The following RPS21 variants were observed in gnomAD, a reference collection of about 807,000 sequenced individuals.
The protein encoded by RPS21 is ribosomal protein S21.
Under a neutral mutation model 14.5 loss-of-function variants are expected in RPS21, and 6 were observed. That is an observed-to-expected ratio of 0.41 (90% CI 0.23 to 0.82). The LOEUF (loss-of-function observed/expected upper bound fraction) is 0.82, where lower values mean the gene tolerates loss of function less well. RPS21 is among the 40% of genes least tolerant of loss of function. RPS21 has a pLI of 0.31. For missense variants in RPS21, 85 were observed against 115.0 expected (o/e 0.74, Z 1.19); for synonymous variants, 61 against 42.6 (o/e 1.43, Z -1.69).
At chr20:62,387,738 A>C (rs2146413795) in intron 3 of RPS21, 64 bp downstream of exon 3, 14 of 1,613,934 alleles carry the variant, frequency 8.7e-6, no homozygotes, top group Non-Finnish European at 1.1e-5. Flanking sequence ...AGGCTGTCCC[A>C]TTGTGGAGGA....
chr20:62,388,376 G>A lies in RPS21; in HGVS notation c.242+12G>A, dbSNP rs1473127031. On this transcript the variant is annotated intron_variant, in intron 5 of 5. Coordinates refer to ENST00000343986, the MANE Select transcript of RPS21 (RefSeq NM_001024.4). ...GGCATCGTCTCAAAGTAAGGTTGGGGGCTCACATTTGGGCAGAGTGAGTGG... is the reference window on the plus strand; with the variant it reads ...GGCATCGTCTCAAAGTAAGGTTGGGAGCTCACATTTGGGCAGAGTGAGTGG... 2.5e-6 allele frequency: 4 copies of A among 1,608,914 alleles called. No homozygotes were observed. The African/African-American group carries it at 4.0e-5, about 16-fold the overall frequency.
Position 62,387,879 on chromosome 20 carries a change from A to G in RPS21, c.151A>G (p.Lys51Glu). 1 of 1,614,168 alleles carries G rather than the reference A, an allele frequency of 6.2e-7. No individual in the cohort carries two copies. Among genetic ancestry groups the G allele is most frequent in the South Asian group, 1.1e-5 (1 of 91,080 alleles). ...CACAGGCAGGTTTAATGGCCAGTTT[A>G]AAACTTATGCTATCTGCGGGGCCAT... ...KVTGRFNGQF[K>E]TYAICGAIRR... The change falls in exon 4 of 6, where the codon AAA becomes GAA. Residue 51 changes from lysine to glutamate, a missense_variant. Lys to Glu is a moderately conservative substitution (Grantham distance 56). Coordinates refer to ENST00000343986, the MANE Select transcript of RPS21 (RefSeq NM_001024.4).
chr20:62,387,492 C>A (rs1447835562), intron 2 of RPS21, 104 bp downstream of exon 2: 1 of 1,585,230 alleles, frequency 6.3e-7, no homozygotes, highest in African/African-American at 1.3e-5. Flanking sequence ...TCGTCACGTC[C>A]CTAACTTGTC....
chr20:62,387,420 C>T (rs550429233), intron 2 of RPS21, 32 bp downstream of exon 2: 1 of 1,607,208 alleles, frequency 6.2e-7, no homozygotes, highest in African/African-American at 1.3e-5. Flanking sequence ...CTCTTCCGTC[C>T]TTACCTAACC....
chr20:62,387,465 C>G (rs1987773598), intron 2 of RPS21, 77 bp downstream of exon 2: 1 of 1,591,024 alleles, frequency 6.3e-7, no homozygotes. Context: ...TTCCCCCACA[C>G]CCCTCCCGTC....
chr20:62,387,166 AGGGCTG>A lies in RPS21; in HGVS notation c.-19+41_-19+46del, dbSNP rs899576032. 2.1e-5 allele frequency: 11 copies of A among 515,350 alleles called. No homozygotes were observed. The Admixed American group carries it at 2.2e-4, about 10-fold the overall frequency. The allele number at this position is 515,350 out of a possible 1,614,324, so 31.9% of individuals were successfully genotyped here. On this transcript the variant is annotated intron_variant, in intron 1 of 5. Coordinates refer to ENST00000343986, the MANE Select transcript of RPS21 (RefSeq NM_001024.4). ...GGCGCGCGGCGCGGGCTTCGGGCTC[AGGGCTG>A]GGGCTGGGGCGGGAGTGGGGGCTTG...
At chr20:62,387,566 C>T (rs773427383) in intron 2 of RPS21, 45 bp from the exon 3 acceptor site, 18 of 1,596,446 alleles carry the variant, frequency 1.1e-5, no homozygotes, top group South Asian at 1.1e-5. Flanking sequence ...CTCTTTCATT[C>T]TTACCGCCCA....
At position 62,388,176 on chromosome 20, in the gene RPS21, G is replaced by T. The variant is rs868846127; in HGVS notation, c.187-133G>T. 41 of 1,461,864 alleles carry T rather than the reference G, an allele frequency of 2.8e-5. No individual in the cohort carries two copies. In the African/African-American group the frequency reaches 5.0e-4, roughly 18 times the overall value. 90.6% of individuals were successfully genotyped at this position (1,461,864 alleles called of 1,614,324 possible). On this transcript the variant is annotated intron_variant, in intron 4 of 5. Coordinates refer to ENST00000343986, the MANE Select transcript of RPS21 (RefSeq NM_001024.4). ...CAGGCTGCAGGCTGCCCCGGGAGAG[G>T]TGGCTCCCCTTCTGCGCCTGTCTCC... is the stretch of plus-strand genomic sequence containing the variant.
At position 62,387,123 on chromosome 20, in the gene RPS21, T is replaced by TGTGGTGGCAGCAGGTGTGGCGCGCGGC; in HGVS notation, c.-30_-19+15dup. The stretch of plus-strand genomic sequence containing the variant: ...TGCTTCCTTTCTCTCTCGCGCGCGG[T>TGTGGTGGCAGCAGGTGTGGCGCGCGGC]GTGGTGGCAGCAGGTGTGGCGCGCG... On this transcript the variant is annotated 5_prime_UTR_variant, in exon 1 of 6. Transcript: ENST00000343986. 2.1e-6 allele frequency: 1 copy of TGTGGTGGCAGCAGGTGTGGCGCGCGGC among 472,100 alleles called. No individual in the cohort carries two copies. The highest frequency in any genetic ancestry group is 4.4e-5 in the Admixed American group (1 of 22,714). The allele number at this position is 472,100 out of a possible 1,614,324, so 29.2% of individuals were successfully genotyped here. A position where few individuals can be genotyped will look rare whatever the true frequency, so the allele number is the denominator to read the frequency against.
rs1166226178 is a variant in RPS21, at chr20:62,387,630, A to G, written c.70A>G (p.Ile24Val). Reference sequence around the variant, plus strand: ...CCACAGCTCCGCTAGCAATCGCATCATCGGTGCCAAGGACCACGCATCCAT... The same window carrying G: ...CCACAGCTCCGCTAGCAATCGCATCGTCGGTGCCAAGGACCACGCATCCAT... ...PRKCSASNRI[I>V]GAKDHASIQM... The change falls in exon 3 of 6, where the codon ATC becomes GTC. Residue 24 changes from isoleucine (I) to valine (V), a missense_variant. Ile to Val is a conservative substitution (Grantham distance 29). Coordinates refer to ENST00000343986, the MANE Select transcript of RPS21 (RefSeq NM_001024.4). The G allele has an allele frequency of 1.2e-6, 2 of 1,613,364 alleles. No individual in the cohort carries two copies. The highest frequency in any genetic ancestry group is 2.2e-5 in the South Asian group (2 of 91,068).
chr20:62,387,561 T>G (rs768664399), intron 2 of RPS21, 50 bp from the exon 3 acceptor site: 5 of 1,595,548 alleles, frequency 3.1e-6, no homozygotes, highest in Non-Finnish European at 4.3e-6. Context: ...GTCCCCTCTT[T>G]CATTCTTACC....
Position 62,387,853 on chromosome 20 carries a change from T to G in RPS21, c.125T>G (p.Val42Gly). 2 of 1,614,122 alleles carry G rather than the reference T, an allele frequency of 1.2e-6. No homozygotes were observed. Among genetic ancestry groups the G allele is most frequent in the Non-Finnish European group, 1.7e-6 (2 of 1,180,032 alleles). The change falls in exon 4 of 6, where the codon GTC (valine) becomes GGC (glycine). Residue 42 changes from valine to glycine, a missense_variant. By Grantham distance (109) the Val-to-Gly change is moderately radical (BLOSUM62 -3). Transcript: ENST00000343986. ...IQMNVAEVDK[V>G]TGRFNGQFKT... Reference sequence around the variant, plus strand: ...TTCTTCTCTTTCTAGGTTGACAAGGTCACAGGCAGGTTTAATGGCCAGTTT... The same window carrying G: ...TTCTTCTCTTTCTAGGTTGACAAGGGCACAGGCAGGTTTAATGGCCAGTTT...
Position 62,387,871 on chromosome 20 carries a change from G to A in RPS21, c.143G>A (p.Gly48Asp), listed in dbSNP as rs750618160. The change falls in exon 4 of 6, where the codon GGC (glycine) becomes GAC (aspartate). Residue 48 changes from glycine (G) to aspartate (D), a missense_variant. Physicochemically the swap from Gly to Asp is moderately conservative, Grantham distance 94. Coordinates refer to ENST00000343986, the MANE Select transcript of RPS21 (RefSeq NM_001024.4). The stretch of plus-strand genomic sequence containing the variant: ...GACAAGGTCACAGGCAGGTTTAATG[G>A]CCAGTTTAAAACTTATGCTATCTGC... ...EVDKVTGRFN[G>D]QFKTYAICGA... is the part of the protein sequence containing the mutation. 5.0e-6 allele frequency: 8 copies of A among 1,614,182 alleles called. No homozygotes were observed. The highest frequency in any genetic ancestry group is 2.2e-5 in the East Asian group (1 of 44,878).
At position 62,387,880 on chromosome 20, in the gene RPS21, A is replaced by G. The variant is rs543766475; in HGVS notation, c.152A>G (p.Lys51Arg). The change falls in exon 4 of 6, where the codon AAA (lysine) becomes AGA (arginine). Residue 51 changes from lysine to arginine, a missense_variant. By Grantham distance (26) the Lys-to-Arg change is conservative (BLOSUM62 2). Transcript: ENST00000343986. Reference sequence around the variant, plus strand: ...ACAGGCAGGTTTAATGGCCAGTTTAAAACTTATGCTATCTGCGGGGCCATT... The same window carrying G: ...ACAGGCAGGTTTAATGGCCAGTTTAGAACTTATGCTATCTGCGGGGCCATT... The part of the protein sequence containing the change: ...KVTGRFNGQF[K>R]TYAICGAIRR... The G allele has an allele frequency of 2.5e-6, 4 of 1,614,192 alleles. No homozygotes were observed. The East Asian group carries it at 6.7e-5, about 27-fold the overall frequency.
intron 1 of RPS21, 39 bp from the exon 2 acceptor site, chr20:62,387,282 T>C: frequency 1.3e-6 from 2 of 1,506,432 alleles, no homozygotes; most frequent in Non-Finnish European, 1.8e-6. Context: ...CGGGGCACGG[T>C]TCCGGCCGTA....
intron 4 of RPS21, 96 bp from the exon 5 acceptor site, chr20:62,388,213 G>T (rs1200912393): frequency 1.4e-6 from 2 of 1,472,822 alleles, no homozygotes; most frequent in African/African-American, 1.4e-5. Flanking sequence ...TTCGCTCAGC[G>T]GGGGAGAGAC....
Position 62,388,108 on chromosome 20 carries a change from C to T in RPS21, c.186+194C>T. ...GAAGACACTCAGGCAGCAGACTCTG[C>T]CTCTCACTAGGAGGTGCCCCCCCGA... On this transcript the variant is annotated intron_variant, in intron 4 of 5. Transcript: ENST00000343986. 3.3e-6 allele frequency: 5 copies of T among 1,520,792 alleles called. No individual in the cohort carries two copies. The South Asian group carries it at 6.2e-5, about 19-fold the overall frequency. The allele number at this position is 1,520,792 out of a possible 1,614,324, so 94.2% of individuals were successfully genotyped here. A position where few individuals can be genotyped will look rare whatever the true frequency, so the allele number is the denominator to read the frequency against.
chr20:62,388,359 C>T lies in RPS21; in HGVS notation c.237C>T (p.Val79=), dbSNP rs1268119002. The T allele has an allele frequency of 1.2e-6, 2 of 1,605,216 alleles. No individual in the cohort carries two copies. Among genetic ancestry groups the T allele is most frequent in the Non-Finnish European group, 1.7e-6 (2 of 1,177,724 alleles). The change falls in exon 5 of 6, where the codon GTC becomes GTT. Residue 79 remains valine, a synonymous_variant. Transcript: ENST00000343986. ...GATTGGCCAAGGCCGATGGCATCGT[C>T]TCAAAGTAAGGTTGGGGGCTCACAT... The part of the protein sequence containing the change: ...ILRLAKADGI[V]SKNF
At chr20:62,388,400 GGACT>G in intron 5 of RPS21, 36 bp downstream of exon 5, 4 of 1,610,930 alleles carry the variant, frequency 2.5e-6, no homozygotes, top group Non-Finnish European at 3.4e-6. Flanking sequence ...CAGAGTGAGT[GGACT>G]AGGACTGCTC....
Sources: allele counts gnomAD v4.1 joint callset, GRCh38; gene constraint gnomAD v4.1.1; transcripts MANE v1.5; gene names NCBI Gene and HGNC (gene_info 2026-07-23, HGNC 2026-07-21).